Variants in DTD1 observed in about 807,000 individuals in gnomAD.
The protein encoded by DTD1 is D-aminoacyl-tRNA deacylase 1, also known as D-tyrosyl-tRNA deacylase 1 homolog.
Under a neutral mutation model 25.6 loss-of-function variants are expected in DTD1, and 13 were observed. The ratio of observed to expected loss-of-function variants is 0.51; its 90% CI spans 0.33 to 0.81. The LOEUF is 0.81. DTD1 is among the 30% of genes least tolerant of loss of function. The pLI is 0.02. For missense variants in DTD1, 193 were observed against 266.4 expected, an observed-to-expected ratio of 0.72 and a Z score of 1.92; for synonymous variants, 110 against 103.6, an observed-to-expected ratio of 1.06 and a Z score of -0.37.
chr20:18,669,958 A>T (rs905464233), intron 4 of DTD1, among the ~76,000 whole-genome samples: 1 of 151,912 alleles, frequency 6.6e-6, no homozygotes, highest in Admixed American at 6.6e-5. Flanking sequence ...CCCTGTAGGG[A>T]TTGTCTGCAA....
rs1166421501 is a variant in DTD1 at position 18,708,223 on chromosome 20, A to ATATTG, written c.478-35874_478-35873insTGTAT. On this transcript the variant is annotated intron_variant, in intron 4 of 5. Transcript: ENST00000377452. ...TATATATATTTTATATATATAATAT[A>ATATTG]TATATATTTTATATATATATAATAT... Among the ~76,000 whole-genome samples, 34 of 6,588 alleles carry ATATTG rather than the reference A, an allele frequency of 5.2e-3. 1 individual carries two copies. Among genetic ancestry groups the ATATTG allele is most frequent in the East Asian group, 0.036 (6 of 166 alleles). 4.3% of individuals were successfully genotyped at this position (6,588 alleles called of 152,430 possible).
chr20:18,612,083 G>A (rs2060689265), intron 3 of DTD1, among the ~76,000 whole-genome samples: 9 of 136,310 alleles, frequency 6.6e-5, no homozygotes, highest in East Asian at 2.1e-4. Flanking sequence ...CGCCCAGGCT[G>A]GAGTGCAGTG....
chr20:18,664,479 G>A (rs2122378155), intron 4 of DTD1, among the ~76,000 whole-genome samples: 1 of 152,242 alleles, frequency 6.6e-6, no homozygotes, highest in African/African-American at 2.4e-5. Flanking sequence ...GCTCCATGCT[G>A]TTTCTTGTAA....
intron 5 of DTD1, among the ~76,000 whole-genome samples, chr20:18,751,917 T>A (rs557238620): frequency 6.6e-6 from 1 of 151,716 alleles, no homozygotes; most frequent in African/African-American, 2.4e-5. Context: ...CCTAGGAGCC[T>A]CACAGCCCTA....
intron 4 of DTD1, among the ~76,000 whole-genome samples, chr20:18,721,961 C>T (rs2061205315): frequency 6.6e-6 from 1 of 152,184 alleles, no homozygotes; most frequent in African/African-American, 2.4e-5. Context: ...GGCCGCTCCC[C>T]AGAATTAAGT....
At chr20:18,652,514 G>A (rs909388387) in intron 4 of DTD1, among the ~76,000 whole-genome samples, 3 of 152,192 alleles carry the variant, frequency 2.0e-5, no homozygotes, top group Admixed American at 6.5e-5. Flanking sequence ...CAGCCTGGAG[G>A]GCCTCAGAGG....
intron 3 of DTD1, among the ~76,000 whole-genome samples, chr20:18,627,206 ATGCCCATTT>A (rs1363277703): frequency 7.6e-6 from 1 of 131,074 alleles, no homozygotes; most frequent in African/African-American, 2.8e-5. Flanking sequence ...GTCTGTTGGC[ATGCCCATTT>A]TGCTGAGTCC....
At chr20:18,683,440 A>G (rs372810515) in intron 4 of DTD1, among the ~76,000 whole-genome samples, 1 of 151,994 alleles carries the variant, frequency 6.6e-6, no homozygotes, top group East Asian at 1.9e-4. Context: ...CATTGGGGCA[A>G]TTTTCCTTAG....
intron 5 of DTD1, among the ~76,000 whole-genome samples, chr20:18,748,327 G>A (rs1244800095): frequency 6.6e-6 from 1 of 152,128 alleles, no homozygotes; most frequent in Non-Finnish European, 1.5e-5. Flanking sequence ...TTAATGTCTT[G>A]ATTTTTGCTT....
At chr20:18,643,541 T>TA in intron 4 of DTD1, 1 of 156,130 alleles carries the variant, frequency 6.4e-6, no homozygotes, top group South Asian at 1.9e-4. Context: ...TGATGAGAAT[T>TA]TTCAATTAAT....
intron 5 of DTD1, among the ~76,000 whole-genome samples, chr20:18,758,206 TCTTTTCAAAAAA>T (rs1374277961): frequency 6.6e-6 from 1 of 152,102 alleles, no homozygotes; most frequent in African/African-American, 2.4e-5. Flanking sequence ...ATTTTGTTGA[TCTTTTCAAAAAA>T]CCAGCTCCTG....
At chr20:18,632,345 T>G in intron 4 of DTD1, 1 of 985,422 alleles carries the variant, frequency 1.0e-6, no homozygotes, top group Non-Finnish European at 1.2e-6. Flanking sequence ...CCCAGAAGCC[T>G]CAGACCCTGA....
At position 18,730,730 on chromosome 20, in the gene DTD1, A is replaced by G. The variant is rs1431519851; in HGVS notation, c.478-13370A>G. Among the ~76,000 whole-genome samples the G allele has an allele frequency of 9.9e-5, 15 of 152,210 alleles. 1 individual carries two copies. The highest frequency in any genetic ancestry group is 7.3e-5 in the Non-Finnish European group (5 of 68,028). On this transcript the variant is annotated intron_variant, in intron 4 of 5. Transcript: ENST00000377452. ...TGTATAACTCATTTGGCATTGTTAC[A>G]TTACTTAACATAATTTCCTTTATTA...
At chr20:18,590,320 G>A (rs6081231) in intron 1 of DTD1, among the ~76,000 whole-genome samples, 46,763 of 151,808 alleles carry the variant, frequency 0.31, 7,626 homozygotes, top group Non-Finnish European at 0.37. Context: ...TAGACTACAG[G>A]CGTGTGCCGC....
intron 4 of DTD1, among the ~76,000 whole-genome samples, chr20:18,665,009 T>C (rs887655596): frequency 1.3e-5 from 2 of 152,204 alleles, no homozygotes; most frequent in African/African-American, 4.8e-5. Context: ...AAAAGCCACT[T>C]GGAGGATGGA....
In DTD1 at chr20:18,591,563, G is replaced by A. The variant is rs551985247; in HGVS notation, c.44-2168G>A. On this transcript the variant is annotated intron_variant, in intron 1 of 5. Coordinates refer to ENST00000377452, the MANE Select transcript of DTD1 (RefSeq NM_080820.6). ...GTTGAAAACAAATATGAATTAAAATGTATGAATAGATACAATATTAAAAGG... is the reference window on the plus strand; with the variant it reads ...GTTGAAAACAAATATGAATTAAAATATATGAATAGATACAATATTAAAAGG... 7.2e-5 allele frequency among the ~76,000 whole-genome samples: 11 copies of A among 152,130 alleles called. No homozygotes were observed. The East Asian group carries it at 1.7e-3, about 24-fold the overall frequency.
intron 4 of DTD1, among the ~76,000 whole-genome samples, chr20:18,670,388 G>A (rs1242219728): frequency 1.3e-5 from 2 of 152,172 alleles, no homozygotes; most frequent in Admixed American, 6.5e-5. Context: ...CCCAGGAGGC[G>A]GAGGTTGCGG....
At chr20:18,752,400 G>T (rs1291887789) in intron 5 of DTD1, among the ~76,000 whole-genome samples, 1 of 151,588 alleles carries the variant, frequency 6.6e-6, no homozygotes, top group African/African-American at 2.4e-5. Flanking sequence ...CTTTGTTTTT[G>T]GTTGGGAAAG....
intron 4 of DTD1, among the ~76,000 whole-genome samples, chr20:18,666,496 T>C (rs1403952930): frequency 7.2e-5 from 11 of 152,234 alleles, no homozygotes; most frequent in African/African-American, 1.9e-4. Context: ...ATAGATTTAA[T>C]TGCAGATAAA....
Sources: allele counts gnomAD v4.1 joint callset (sites outside exome capture counted in the v4.1 genomes callset), GRCh38; gene constraint gnomAD v4.1.1; transcripts MANE v1.5; gene names NCBI Gene and HGNC (gene_info 2026-07-23, HGNC 2026-07-21).